The following PARD3B variants were observed in gnomAD, a reference collection of about 807,000 sequenced individuals.
PARD3B encodes partitioning defective 3 homolog B.
PARD3B carries 103 observed loss-of-function variants against 130.2 expected under a neutral mutation model. That is an observed-to-expected ratio of 0.79 (90% confidence interval 0.67 to 0.93). The LOEUF is 0.93. Among genes scored for constraint, PARD3B ranks in the 40% least tolerant of loss-of-function variants. PARD3B has a pLI of 0.00. For synonymous variants in PARD3B, 583 were observed against 553.2 expected (o/e 1.05, Z -0.76); for missense variants, 1,609 against 1,499.2 (o/e 1.07, Z -1.21).
At chr2:204,788,864 T>C (rs1443145985) in intron 2 of PARD3B, among the ~76,000 whole-genome samples, 1 of 152,216 alleles carries the variant, frequency 6.6e-6, no homozygotes, top group Non-Finnish European at 1.5e-5. Flanking sequence ...CATAGTATTT[T>C]TATACAACAT....
At chr2:205,063,281 A>G (rs866921200) in intron 4 of PARD3B, among the ~76,000 whole-genome samples, 1 of 152,140 alleles carries the variant, frequency 6.6e-6, no homozygotes, top group South Asian at 2.1e-4. Flanking sequence ...TCAAAGTATC[A>G]CATGCACCCT....
At chr2:205,047,758 T>G (rs1411290047) in intron 4 of PARD3B, 68 bp downstream of exon 4, 4 of 1,180,134 alleles carry the variant, frequency 3.4e-6, no homozygotes, top group Non-Finnish European at 4.9e-6. Flanking sequence ...TAAGTGGGAC[T>G]TTGCAGTTTT....
chr2:205,235,325 C>T (rs868466127), intron 15 of PARD3B, among the ~76,000 whole-genome samples: 3 of 151,950 alleles, frequency 2.0e-5, no homozygotes, highest in East Asian at 1.9e-4. Context: ...GGGAGGCTGA[C>T]GTGGGAGAAT....
intron 22 of PARD3B, among the ~76,000 whole-genome samples, chr2:205,555,368 G>A (rs1262558625): frequency 6.6e-6 from 1 of 152,186 alleles, no homozygotes; most frequent in Non-Finnish European, 1.5e-5. Flanking sequence ...GGACTCTACT[G>A]TTAGCAAAGG....
chr2:205,049,305 A>T (rs1699023894), intron 4 of PARD3B, among the ~76,000 whole-genome samples: 1 of 152,134 alleles, frequency 6.6e-6, no homozygotes. Context: ...GGGGAAGCAA[A>T]CATGTCCTTC....
chr2:205,068,182 G>A (rs375947151), intron 4 of PARD3B, among the ~76,000 whole-genome samples: 1 of 152,110 alleles, frequency 6.6e-6, no homozygotes, highest in Non-Finnish European at 1.5e-5. Flanking sequence ...ATGGGGCAGG[G>A]TATAGGAGAA....
chr2:205,019,732 A>G (rs1696453714), intron 3 of PARD3B, among the ~76,000 whole-genome samples: 1 of 152,162 alleles, frequency 6.6e-6, no homozygotes, highest in Non-Finnish European at 1.5e-5. Context: ...TGAAGGTAGA[A>G]TGGATGGTTT....
intron 18 of PARD3B, among the ~76,000 whole-genome samples, chr2:205,368,173 C>T (rs1485090589): frequency 6.6e-6 from 1 of 152,134 alleles, no homozygotes; most frequent in Non-Finnish European, 1.5e-5. Context: ...ATACTATATC[C>T]ATGGCATGAT....
intron 18 of PARD3B, among the ~76,000 whole-genome samples, chr2:205,359,257 G>A (rs945016014): frequency 6.6e-6 from 1 of 152,142 alleles, no homozygotes; most frequent in Non-Finnish European, 1.5e-5. Flanking sequence ...TAATTCATCT[G>A]TTCTGCTTTT....
intron 1 of PARD3B, among the ~76,000 whole-genome samples, chr2:204,655,247 T>G (rs2035603520): frequency 6.6e-6 from 1 of 152,206 alleles, no homozygotes; most frequent in African/African-American, 2.4e-5. Flanking sequence ...ACTCCTGCAT[T>G]CAAGGCTACA....
In PARD3B at chr2:205,125,854, G is replaced by A. The variant is rs183581036; in HGVS notation, c.1434+117G>A. On this transcript the variant is annotated intron_variant, in intron 10 of 22. Coordinates refer to ENST00000406610, the MANE Select transcript of PARD3B (RefSeq NM_001302769.2). This position sits in a 1 kb window ranked among gnomAD's most constrained non-coding sequence, Gnocchi z 4.0. ...ACAGGCTTCATTCATAACCAAAATTGAATCACACTCAGGGTATTTTACCCC... is the reference window on the plus strand; with the variant it reads ...ACAGGCTTCATTCATAACCAAAATTAAATCACACTCAGGGTATTTTACCCC... The A allele has an allele frequency of 5.8e-6, 8 of 1,368,578 alleles. No homozygotes were observed. The African/African-American group carries it at 7.2e-5, about 12-fold the overall frequency. The allele number at this position is 1,368,578 out of a possible 1,614,324, so 84.8% of individuals were successfully genotyped here.
chr2:205,197,057 G>A (rs1407064052), intron 15 of PARD3B, among the ~76,000 whole-genome samples: 3 of 151,142 alleles, frequency 2.0e-5, no homozygotes, highest in Non-Finnish European at 4.4e-5. Flanking sequence ...GTGTGTGTGT[G>A]TGTGTGTGTG....
chr2:205,026,037 A>G (rs1697003522), intron 3 of PARD3B, among the ~76,000 whole-genome samples: 1 of 152,224 alleles, frequency 6.6e-6, no homozygotes, highest in Admixed American at 6.5e-5. Context: ...GAAAAGATAG[A>G]TAGGATCTCT....
chr2:205,033,225 T>G (rs868640901), intron 3 of PARD3B, among the ~76,000 whole-genome samples: 9 of 152,282 alleles, frequency 5.9e-5, no homozygotes, highest in Middle Eastern at 3.4e-3. Flanking sequence ...TGGATATATA[T>G]TAAGATTCAC....
chr2:205,376,104 G>A (rs1574845405), intron 18 of PARD3B, among the ~76,000 whole-genome samples: 4 of 152,074 alleles, frequency 2.6e-5, no homozygotes, highest in African/African-American at 4.8e-5. Flanking sequence ...CTGTTCCAAG[G>A]ACTTTACCGT....
chr2:205,051,422 A>G (rs72927580), intron 4 of PARD3B, among the ~76,000 whole-genome samples: 36,153 of 152,172 alleles, frequency 0.24, 4,867 homozygotes, highest in South Asian at 0.47. Context: ...TAAGTAATTC[A>G]CAGATGGCAG....
intron 20 of PARD3B, 57 bp from the exon 21 acceptor site, chr2:205,499,839 G>C: frequency 6.7e-7 from 1 of 1,487,198 alleles, no homozygotes; most frequent in South Asian, 1.4e-5. Flanking sequence ...AGATCCAAAA[G>C]TGATTTCAAA....
intron 1 of PARD3B, among the ~76,000 whole-genome samples, chr2:204,668,454 C>T (rs2036126374): frequency 6.6e-6 from 1 of 152,158 alleles, no homozygotes; most frequent in Admixed American, 6.6e-5. Flanking sequence ...GTAAGATTCT[C>T]CAGAATGTCA....
At chr2:205,372,298 A>G (rs947021974) in intron 18 of PARD3B, among the ~76,000 whole-genome samples, 3 of 152,174 alleles carry the variant, frequency 2.0e-5, no homozygotes, top group Non-Finnish European at 2.9e-5. Flanking sequence ...GCTCTAATTT[A>G]TCTACATCCT....
Sources: allele counts gnomAD v4.1 joint callset (sites outside exome capture counted in the v4.1 genomes callset), GRCh38; gene constraint gnomAD v4.1.1; non-coding constraint Gnocchi (gnomAD v3.1); transcripts MANE v1.5; gene names NCBI Gene and HGNC (gene_info 2026-07-23, HGNC 2026-07-21).